The following ERI2 variants were observed in gnomAD, a reference collection of about 807,000 sequenced individuals.
ERI2 encodes ERI1 exoribonuclease 2.
ERI2 carries 35 observed loss-of-function variants against 46.8 expected under a neutral mutation model. The observed-to-expected ratio is 0.75, with a 90% CI of 0.57 to 0.99. ERI2 has a LOEUF of 0.99. Among genes scored for constraint, ERI2 ranks in the 50% least tolerant of loss-of-function variants. The pLI is 0.00. For synonymous variants in ERI2, 224 were observed against 271.0 expected (o/e 0.83, Z 1.70); for missense variants, 695 against 796.2 (o/e 0.87, Z 1.53).
At chr16:20,781,709 C>T in intron 10 of ERI2, 1 of 1,611,132 alleles carries the variant, frequency 6.2e-7, no homozygotes, top group Non-Finnish European at 8.5e-7. Flanking sequence ...AAATTGCAGA[C>T]ACTCTCCAAG....
chr16:20,790,777 A>G lies in ERI2; in HGVS notation c.815+73T>C. The stretch of plus-strand genomic sequence containing the variant: ...GTTTGCCACAAAACATACCTAGGAT[A>G]GGTACTTGACCCTTTCTTGAGAGAT... On this transcript the variant is annotated intron_variant, in intron 9 of 10. Coordinates refer to the ERI2 transcript ENST00000300005. This position sits in a 1 kb window ranked among gnomAD's most constrained non-coding sequence, Gnocchi z 4.0. The G allele has an allele frequency of 6.2e-7, 1 of 1,613,302 alleles. No individual in the cohort carries two copies. Among genetic ancestry groups the G allele is most frequent in the South Asian group, 1.1e-5 (1 of 91,008 alleles).
chr16:20,786,184 T>C (rs2080471304), intron 10 of ERI2: 1 of 1,607,554 alleles, frequency 6.2e-7, no homozygotes, highest in Non-Finnish European at 8.5e-7. Flanking sequence ...TCCAGGAGAA[T>C]GTTTAACAAC....
chr16:20,802,468 TC>T (rs1475883447), intron 4 of ERI2, among the ~76,000 whole-genome samples: 1 of 151,894 alleles, frequency 6.6e-6, no homozygotes, highest in Non-Finnish European at 1.5e-5. Flanking sequence ...AGATTATACC[TC>T]CCTGCAGCCT....
In ERI2 at chr16:20,803,445, T is replaced by C; in HGVS notation, c.163A>G (p.Ser55Gly). The change falls in exon 3 of 9, where the codon AGC (serine) becomes GGC (glycine). Residue 55 changes from serine (S) to glycine (G), a missense_variant. Coordinates refer to ENST00000357967, the MANE Select transcript of ERI2 (RefSeq NM_001142725.2). ...TCWNDGKHHH[S>G]QEIIEFPAVL... ...AGCCCAGACTTACTTATTTCCTGGCTATGGTGGTGCTTCCCATCATTCCAG... is the reference window on the plus strand; with the variant it reads ...AGCCCAGACTTACTTATTTCCTGGCCATGGTGGTGCTTCCCATCATTCCAG... 9.3e-6 allele frequency: 15 copies of C among 1,613,974 alleles called. No homozygotes were observed. The highest frequency in any genetic ancestry group is 1.3e-5 in the Non-Finnish European group (15 of 1,179,866).
Position 20,790,575 on chromosome 16 carries a change from A to G in ERI2, c.815+275T>C, listed in dbSNP as rs568422282. ...AAAATTTCCTTAAATAAATTGTTCT[A>G]TTTTATCCTAGATTGTAGATGTAAA... On this transcript the variant is annotated intron_variant, in intron 9 of 10. Coordinates refer to the ERI2 transcript ENST00000300005. The surrounding 1 kb of genome is among the most constrained non-coding windows in gnomAD (Gnocchi z 4.0). 6.8e-6 allele frequency: 11 copies of G among 1,608,584 alleles called. No individual in the cohort carries two copies. In the African/African-American group the frequency reaches 1.2e-4, roughly 18 times the overall value.
At chr16:20,783,278 T>C (rs1292429482) in intron 10 of ERI2, 1 of 152,162 alleles carries the variant, frequency 6.6e-6, no homozygotes, top group African/African-American at 2.4e-5. Context: ...CTTGGGAAAT[T>C]ACAAAGGTTT....
chr16:20,792,543 G>A, downstream of ERI2: 1 of 985,354 alleles, frequency 1.0e-6, no homozygotes, highest in Non-Finnish European at 1.2e-6. Context: ...ACAAAATAAG[G>A]CTGAAAATAC....
In ERI2 at chr16:20,806,389, C is replaced by T; in HGVS notation, c.23+19G>A. ...GGACCCGGAGCTACCCGCCCCCGACCCGGAACTCCCTCGAGTACCGCGCGA... is the reference window on the plus strand; with the variant it reads ...GGACCCGGAGCTACCCGCCCCCGACTCGGAACTCCCTCGAGTACCGCGCGA... On this transcript the variant is annotated intron_variant, in intron 1 of 8. Coordinates refer to ENST00000357967, the MANE Select transcript of ERI2 (RefSeq NM_001142725.2). 1 of 1,550,280 alleles carries T rather than the reference C, an allele frequency of 6.5e-7. No individual in the cohort carries two copies. Among genetic ancestry groups the T allele is most frequent in the Non-Finnish European group, 8.7e-7 (1 of 1,147,126 alleles).
exon 11 of ERI2, chr16:20,780,501 A>G (rs1200201634): frequency 4.5e-6 from 4 of 893,992 alleles, no homozygotes; most frequent in South Asian, 1.8e-5. Context: ...GCTATTATAA[A>G]TGGGCCTTTG....
intron 7 of ERI2, chr16:20,799,719 G>C (rs761957048): frequency 1.7e-5 from 8 of 481,362 alleles, no homozygotes; most frequent in South Asian, 3.4e-5. Flanking sequence ...CATTTGATTT[G>C]GCTCATTCTT....
chr16:20,788,207 T>A (rs912734159), intron 10 of ERI2, among the ~76,000 whole-genome samples: 1 of 152,240 alleles, frequency 6.6e-6, no homozygotes, highest in Admixed American at 6.5e-5. Context: ...GTTAACAGGC[T>A]ACCTTAGGTT....
At chr16:20,802,670 G>T in intron 4 of ERI2, 126 bp downstream of exon 4, 1 of 1,141,838 alleles carries the variant, frequency 8.8e-7, no homozygotes, top group Non-Finnish European at 1.2e-6. Flanking sequence ...ACATCAGCCT[G>T]CAAAGTGCTG....
intron 6 of ERI2, 95 bp downstream of exon 6, chr16:20,800,203 AAAGT>A (rs747562214): frequency 1.1e-6 from 1 of 917,230 alleles, no homozygotes; most frequent in African/African-American, 1.7e-5. Flanking sequence ...AGTACAAAAG[AAAGT>A]ATCTTCTTTG....
intron 10 of ERI2, among the ~76,000 whole-genome samples, chr16:20,786,938 G>C (rs1362783017): frequency 6.6e-6 from 1 of 152,130 alleles, no homozygotes; most frequent in Non-Finnish European, 1.5e-5. Flanking sequence ...TAGGCCCGAA[G>C]AGGCTTCAGT....
At chr16:20,791,752 C>T (rs750641029), downstream of ERI2, among the ~76,000 whole-genome samples, 10 of 152,116 alleles carry the variant, frequency 6.6e-5, no homozygotes, top group Admixed American at 2.6e-4. Flanking sequence ...CATGGGGAAA[C>T]TCCATCTCAA....
intron 10 of ERI2, chr16:20,785,942 C>T: frequency 1.9e-6 from 1 of 533,126 alleles, no homozygotes. Flanking sequence ...CACTACATTC[C>T]ATGAGAGTAT....
intron 10 of ERI2, among the ~76,000 whole-genome samples, chr16:20,788,181 T>C (rs954188135): frequency 9.2e-5 from 14 of 152,212 alleles, no homozygotes; most frequent in Non-Finnish European, 1.8e-4. Flanking sequence ...CAAACAGGCT[T>C]AACAATAGTT....
At position 20,796,503 on chromosome 16, in the gene ERI2, T is replaced by G; in HGVS notation, c.*1221A>C. On this transcript the variant is annotated 3_prime_UTR_variant, in exon 9 of 9. Coordinates refer to ENST00000357967, the MANE Select transcript of ERI2 (RefSeq NM_001142725.2). ...TATCCCAGAAAGGTAGGCATCCTAA[T>G]TATAACGAATATTTGCTCAGTGTTG... 1 of 1,609,588 alleles carries G rather than the reference T, an allele frequency of 6.2e-7. No homozygotes were observed. Among genetic ancestry groups the G allele is most frequent in the Non-Finnish European group, 8.5e-7 (1 of 1,179,054 alleles).
chr16:20,804,286 C>CT (rs1473282398), intron 1 of ERI2, among the ~76,000 whole-genome samples: 1 of 152,078 alleles, frequency 6.6e-6, no homozygotes, highest in Non-Finnish European at 1.5e-5. Context: ...TTTTTAAGCT[C>CT]TTGCTATGTG....
Sources: allele counts gnomAD v4.1 joint callset (sites outside exome capture counted in the v4.1 genomes callset), GRCh38; gene constraint gnomAD v4.1.1; non-coding constraint Gnocchi (gnomAD v3.1); transcripts MANE v1.5; gene names NCBI Gene and HGNC (gene_info 2026-07-23, HGNC 2026-07-21).